Variants in RELN observed in about 807,000 individuals in gnomAD.
RELN encodes reelin.
A neutral mutation model predicts 427.6 loss-of-function variants in RELN; 108 were observed. The observed-to-expected ratio is 0.25, with a 90% CI of 0.22 to 0.30. The LOEUF (loss-of-function observed/expected upper bound fraction) is 0.30, where lower values mean the gene tolerates loss of function less well. Among genes scored for constraint, RELN ranks in the 10% least tolerant of loss-of-function variants. The pLI, the probability that RELN is intolerant of heterozygous loss-of-function variation, is 1.00. For missense variants in RELN, 3,715 were observed against 4,302.8 expected (o/e 0.86, Z 3.82); for synonymous variants, 1,524 against 1,513.4 (o/e 1.01, Z -0.16).
intron 1 of RELN, among the ~76,000 whole-genome samples, chr7:103,942,983 A>C (rs1045934490): frequency 6.6e-6 from 1 of 152,194 alleles, no homozygotes; most frequent in African/African-American, 2.4e-5. Flanking sequence ...AACAAACACC[A>C]ACTAGGATTG....
chr7:103,781,573 A>G lies in RELN; in HGVS notation c.474-4946T>C, dbSNP rs545629096. Reference sequence around the variant, plus strand: ...TTAGCATTTTCAAGAGTACAATACTATAGTCACCATGTTGTGCAATAGATA... The same window carrying G: ...TTAGCATTTTCAAGAGTACAATACTGTAGTCACCATGTTGTGCAATAGATA... On this transcript the variant is annotated intron_variant, in intron 3 of 64. Transcript: ENST00000428762. 5.9e-5 allele frequency among the ~76,000 whole-genome samples: 9 copies of G among 152,284 alleles called. No homozygotes were observed. In the East Asian group the frequency reaches 1.7e-3, roughly 29 times the overall value.
chr7:103,707,028 G>A (rs1741906763), intron 8 of RELN, among the ~76,000 whole-genome samples: 1 of 152,132 alleles, frequency 6.6e-6, no homozygotes, highest in Admixed American at 6.5e-5. Context: ...AGGCTAGAGT[G>A]CAGTGGTGGG....
At chr7:103,802,449 C>A (rs1792491818) in intron 3 of RELN, among the ~76,000 whole-genome samples, 1 of 152,034 alleles carries the variant, frequency 6.6e-6, no homozygotes, top group Non-Finnish European at 1.5e-5. Flanking sequence ...AATCACAATG[C>A]CCTAATTGGC....
chr7:103,591,504 T>C (rs1414997508), intron 27 of RELN, among the ~76,000 whole-genome samples: 1 of 152,226 alleles, frequency 6.6e-6, no homozygotes. Flanking sequence ...AGAAATTTTA[T>C]TGTGCACAAT....
chr7:103,572,559 C>T (rs944083236), intron 30 of RELN, among the ~76,000 whole-genome samples: 2 of 150,994 alleles, frequency 1.3e-5, no homozygotes, highest in African/African-American at 4.9e-5. Flanking sequence ...TTTTTTGAGA[C>T]GGAGTCTTGC....
intron 59 of RELN, 132 bp from the exon 60 acceptor site, chr7:103,490,031 G>T (rs1482622903): frequency 6.0e-6 from 6 of 1,002,614 alleles, no homozygotes; most frequent in Middle Eastern, 2.8e-4. Flanking sequence ...GAAGCACCCT[G>T]CTGGCAGAGG....
At chr7:103,728,613 T>C (rs1424340208) in intron 6 of RELN, among the ~76,000 whole-genome samples, 1 of 152,190 alleles carries the variant, frequency 6.6e-6, no homozygotes, top group East Asian at 1.9e-4. Flanking sequence ...ATATAATATA[T>C]ACATGCCCAA....
chr7:103,736,566 TA>T (rs921663671), intron 6 of RELN, among the ~76,000 whole-genome samples: 7 of 152,182 alleles, frequency 4.6e-5, no homozygotes, highest in Admixed American at 1.3e-4. Flanking sequence ...TCTAGGGAGT[TA>T]AAAAATTCGA....
At chr7:103,948,226 C>CT (rs1382240151) in intron 1 of RELN, among the ~76,000 whole-genome samples, 1 of 152,054 alleles carries the variant, frequency 6.6e-6, no homozygotes, top group Admixed American at 6.6e-5. Context: ...GTTTAGATGC[C>CT]TTGTACTACA....
At position 103,886,232 on chromosome 7, in the gene RELN, C is replaced by T. The variant is rs143992991; in HGVS notation, c.337+30843G>A. 6.6e-3 allele frequency among the ~76,000 whole-genome samples: 1,004 copies of T among 152,266 alleles called. 7 individuals are homozygous for T. The highest frequency in any genetic ancestry group is 0.023 in the African/African-American group (948 of 41,564). On this transcript the variant is annotated intron_variant, in intron 2 of 64. Coordinates refer to ENST00000428762, the MANE Select transcript of RELN (RefSeq NM_005045.4). ...AAAAACCTACATTGGGACCCCATCTCTTTGGTATACATGAGTTTAACCTTT... is the reference window on the plus strand; with the variant it reads ...AAAAACCTACATTGGGACCCCATCTTTTTGGTATACATGAGTTTAACCTTT...
intron 8 of RELN, among the ~76,000 whole-genome samples, chr7:103,702,950 G>A (rs1467623397): frequency 6.6e-6 from 1 of 152,218 alleles, no homozygotes; most frequent in Non-Finnish European, 1.5e-5. Flanking sequence ...AAGGTGTACA[G>A]TTCCTACAGA....
At chr7:103,520,093 T>C (rs1396542106) in intron 48 of RELN, among the ~76,000 whole-genome samples, 3 of 152,022 alleles carry the variant, frequency 2.0e-5, no homozygotes, top group African/African-American at 4.8e-5. Context: ...TGGGCCAAGG[T>C]TGAGTATCGC....
At chr7:103,895,131 G>C (rs1249496963) in intron 2 of RELN, among the ~76,000 whole-genome samples, 1 of 151,996 alleles carries the variant, frequency 6.6e-6, no homozygotes, top group Non-Finnish European at 1.5e-5. Context: ...CCTGTTAATT[G>C]GTAATTATGC....
At position 103,542,857 on chromosome 7, in the gene RELN, A is replaced by T; in HGVS notation, c.6545T>A (p.Phe2182Tyr). Residue 2182 changes from phenylalanine (F) to tyrosine (Y), a missense_variant, in exon 43 of 65, where the codon TTC becomes TAC. By Grantham distance (22) the Phe-to-Tyr change is conservative. Coordinates refer to ENST00000428762, the MANE Select transcript of RELN (RefSeq NM_005045.4). ...DFEGQLESDRFLLMSGGKPSR... is the reference protein window; with the variant it reads ...DFEGQLESDRYLLMSGGKPSR... ...TGGTTTCCCACCACTCATTAATAAG[A>T]ATCTATCAGATTCTAGCTGACCTGA... is the stretch of plus-strand genomic sequence containing the variant. The T allele has an allele frequency of 6.2e-7, 1 of 1,614,182 alleles. No homozygotes were observed. The highest frequency in any genetic ancestry group is 8.5e-7 in the Non-Finnish European group (1 of 1,180,018).
At chr7:103,631,283 CTTCTTT>C (rs1832459523) in intron 19 of RELN, among the ~76,000 whole-genome samples, 1 of 77,734 alleles carries the variant, frequency 1.3e-5, no homozygotes, top group Non-Finnish European at 2.6e-5. Context: ...TTTAAAAACA[CTTCTTT>C]TTTTTTTTTT....
intron 8 of RELN, among the ~76,000 whole-genome samples, chr7:103,701,430 TG>T (rs1476379497): frequency 6.6e-6 from 1 of 152,112 alleles, no homozygotes; most frequent in Non-Finnish European, 1.5e-5. Flanking sequence ...TTTTTCTGTG[TG>T]TGTATTATCT....
intron 20 of RELN, among the ~76,000 whole-genome samples, chr7:103,627,708 C>A (rs1288992284): frequency 6.6e-6 from 1 of 152,266 alleles, no homozygotes; most frequent in African/African-American, 2.4e-5. Context: ...TAATAAAACT[C>A]CTATGGTGCT....
intron 2 of RELN, among the ~76,000 whole-genome samples, chr7:103,899,651 A>G (rs1795039607): frequency 6.6e-6 from 1 of 151,398 alleles, no homozygotes; most frequent in African/African-American, 2.4e-5. Flanking sequence ...CACAACATAC[A>G]CAAATTAATA....
chr7:103,941,460 T>C (rs570553639), intron 1 of RELN, among the ~76,000 whole-genome samples: 30 of 152,336 alleles, frequency 2.0e-4, no homozygotes, highest in Non-Finnish European at 3.1e-4. Context: ...CTAGAGCTAA[T>C]TGATTTCTTA....
Sources: allele counts gnomAD v4.1 joint callset (sites outside exome capture counted in the v4.1 genomes callset), GRCh38; gene constraint gnomAD v4.1.1; transcripts MANE v1.5; gene names NCBI Gene and HGNC (gene_info 2026-07-23, HGNC 2026-07-21).